NEBL: variants seen among roughly 807,000 people sequenced by gnomAD.
NEBL encodes nebulette.
In NEBL, 122 loss-of-function variants were observed where a neutral mutation model predicts 140.2. The ratio of observed to expected loss-of-function variants is 0.87; its 90% CI spans 0.75 to 1.01. The LOEUF is 1.01. NEBL is among the 50% of genes least tolerant of loss of function. The pLI is 0.00. For synonymous variants in NEBL, 436 were observed against 398.9 expected (o/e 1.09, Z -1.11); for missense variants, 1,365 against 1,231.3 (o/e 1.11, Z -1.62).
intron 3 of NEBL, among the ~76,000 whole-genome samples, chr10:20,995,243 A>T (rs1040230272): frequency 7.9e-5 from 12 of 152,318 alleles, no homozygotes; most frequent in Non-Finnish European, 1.6e-4. Flanking sequence ...CAGAGCTGAC[A>T]GAGCCGGCAT....
At chr10:21,009,168 G>T (rs542554689) in intron 3 of NEBL, among the ~76,000 whole-genome samples, 3 of 152,196 alleles carry the variant, frequency 2.0e-5, no homozygotes, top group Non-Finnish European at 4.4e-5. Context: ...CATTCTAGAG[G>T]TTTTTAAAAG....
intron 2 of NEBL, chr10:21,030,290 G>A: frequency 1.5e-6 from 1 of 646,456 alleles, no homozygotes; most frequent in Non-Finnish European, 2.7e-6. Flanking sequence ...AGAAACTCAG[G>A]AACTGGAACG....
intron 3 of NEBL, among the ~76,000 whole-genome samples, chr10:20,962,093 T>C (rs188390329): frequency 3.3e-5 from 5 of 152,340 alleles, no homozygotes; most frequent in Admixed American, 1.3e-4. Context: ...ACTTGATGCA[T>C]GAATCTGGCT....
At chr10:21,166,434 C>T (rs976262216) in intron 2 of NEBL, among the ~76,000 whole-genome samples, 3 of 152,016 alleles carry the variant, frequency 2.0e-5, no homozygotes, top group Admixed American at 6.6e-5. Context: ...GCCCATAGTG[C>T]GAAAAACTTC....
chr10:20,986,114 TAC>T (rs1389513703), intron 3 of NEBL, among the ~76,000 whole-genome samples: 7 of 152,216 alleles, frequency 4.6e-5, no homozygotes, highest in African/African-American at 1.7e-4. Flanking sequence ...GAGGCAGTGA[TAC>T]ATCATAATTC....
At chr10:20,880,439 C>T (rs1279467926) in intron 5 of NEBL, among the ~76,000 whole-genome samples, 2 of 152,168 alleles carry the variant, frequency 1.3e-5, no homozygotes, top group Non-Finnish European at 2.9e-5. Context: ...CCATTGATTC[C>T]TGATGGCCTT....
At chr10:21,271,239 A>G (rs1359459014) in intron 1 of NEBL, among the ~76,000 whole-genome samples, 2 of 152,208 alleles carry the variant, frequency 1.3e-5, no homozygotes, top group African/African-American at 4.8e-5. Context: ...GCTAAGTGAA[A>G]TAAGCTAGAC....
At chr10:20,941,014 G>A (rs1401425325) in intron 4 of NEBL, among the ~76,000 whole-genome samples, 1 of 152,168 alleles carries the variant, frequency 6.6e-6, no homozygotes, top group Non-Finnish European at 1.5e-5. Flanking sequence ...GGTACAAGAA[G>A]GAGCTGGTAC....
At chr10:21,088,394 G>C (rs972738349) in intron 2 of NEBL, among the ~76,000 whole-genome samples, 1 of 152,106 alleles carries the variant, frequency 6.6e-6, no homozygotes, top group African/African-American at 2.4e-5. Context: ...GGCTGAGGCA[G>C]GATTGCTTGA....
At chr10:20,853,562 A>G (rs551041507) in intron 9 of NEBL, among the ~76,000 whole-genome samples, 1 of 152,342 alleles carries the variant, frequency 6.6e-6, no homozygotes, top group South Asian at 2.1e-4. Flanking sequence ...CAGGCACAGA[A>G]CAACAGATTT....
chr10:21,273,357 A>C (rs913855963), intron 1 of NEBL, among the ~76,000 whole-genome samples: 1 of 152,192 alleles, frequency 6.6e-6, no homozygotes, highest in Non-Finnish European at 1.5e-5. Context: ...TCAGGGAAAT[A>C]GATTTCATTT....
chr10:21,029,521 C>G (rs1418820981), intron 2 of NEBL: 13 of 1,608,670 alleles, frequency 8.1e-6, no homozygotes, highest in African/African-American at 1.3e-5. Context: ...TGATCAAGCA[C>G]AGGATACAGA....
chr10:21,115,449 T>G (rs1203597069), intron 2 of NEBL, among the ~76,000 whole-genome samples: 1 of 152,072 alleles, frequency 6.6e-6, no homozygotes, highest in African/African-American at 2.4e-5. Flanking sequence ...TGGTGACAAA[T>G]TCTTTCAGCT....
chr10:21,051,381 A>C (rs1367533432), intron 2 of NEBL, among the ~76,000 whole-genome samples: 1 of 152,246 alleles, frequency 6.6e-6, no homozygotes, highest in East Asian at 1.9e-4. Context: ...AAAGGAGTAG[A>C]GATGTAAAGC....
At chr10:20,988,891 T>C (rs1472523030) in intron 3 of NEBL, among the ~76,000 whole-genome samples, 2 of 152,214 alleles carry the variant, frequency 1.3e-5, no homozygotes, top group East Asian at 3.8e-4. Context: ...CGACCCTTCT[T>C]GAATGATTTC....
chr10:21,128,940 A>C (rs1838969583), intron 2 of NEBL, among the ~76,000 whole-genome samples: 1 of 152,218 alleles, frequency 6.6e-6, no homozygotes, highest in East Asian at 1.9e-4. Flanking sequence ...AGCCACATGC[A>C]TATAAACTAG....
chr10:21,142,658 TATCAGGGGCCCCC>T (rs1402486078), intron 2 of NEBL, among the ~76,000 whole-genome samples: 1 of 152,174 alleles, frequency 6.6e-6, no homozygotes, highest in Non-Finnish European at 1.5e-5. Context: ...AGATAGACTA[TATCAGGGGCCCCC>T]AACCCCCAGG....
intron 1 of NEBL, among the ~76,000 whole-genome samples, chr10:21,275,637 CTT>C (rs11396394): frequency 2.7e-4 from 32 of 119,492 alleles, no homozygotes; most frequent in Admixed American, 2.0e-3. Flanking sequence ...ACATTACCAG[CTT>C]TTTTTTTTTT....
chr10:21,223,525 T>C (rs1842102354), intron 3 of NEBL, among the ~76,000 whole-genome samples: 1 of 152,260 alleles, frequency 6.6e-6, no homozygotes, highest in Non-Finnish European at 1.5e-5. Context: ...TGCAGAGATC[T>C]CTTTGATGTA....
Sources: allele counts gnomAD v4.1 joint callset (sites outside exome capture counted in the v4.1 genomes callset), GRCh38; gene constraint gnomAD v4.1.1; transcripts MANE v1.5; gene names NCBI Gene and HGNC (gene_info 2026-07-23, HGNC 2026-07-21).